Variants in KCNMA1 observed in about 807,000 individuals in gnomAD.
KCNMA1 encodes potassium calcium-activated channel subfamily M alpha 1.
A neutral mutation model predicts 140.0 loss-of-function variants in KCNMA1; 29 were observed. The ratio of observed to expected loss-of-function variants is 0.21; its 90% CI spans 0.15 to 0.28. The LOEUF is 0.28. Ranked by LOEUF, KCNMA1 falls within the 10% of genes least tolerant of loss-of-function variation. The pLI is 1.00. For synonymous variants in KCNMA1, 612 were observed against 611.9 expected (o/e 1.00, Z 0.00); for missense variants, 880 against 1,602.2 (o/e 0.55, Z 7.70).
chr10:77,575,346 C>T (rs921723102), intron 1 of KCNMA1, among the ~76,000 whole-genome samples: 12 of 152,258 alleles, frequency 7.9e-5, no homozygotes, highest in East Asian at 1.9e-4. Flanking sequence ...AAGGCACTAG[C>T]GATTTCCTTT....
downstream of KCNMA1, chr10:76,872,621 G>A (rs970420054): frequency 6.6e-6 from 1 of 152,042 alleles, no homozygotes; most frequent in African/African-American, 2.4e-5. Flanking sequence ...TCAATCTATT[G>A]AAATCACATT....
intron 22 of KCNMA1, among the ~76,000 whole-genome samples, chr10:76,946,776 T>C (rs2064103506): frequency 6.6e-6 from 1 of 152,212 alleles, no homozygotes; most frequent in Non-Finnish European, 1.5e-5. Context: ...GTAATTGTGA[T>C]ATAAGATGAT....
chr10:77,156,516 T>C (rs1371210626), intron 5 of KCNMA1, among the ~76,000 whole-genome samples: 3 of 152,182 alleles, frequency 2.0e-5, no homozygotes, highest in African/African-American at 4.8e-5. Flanking sequence ...TGGGAGGAAT[T>C]TATAGTTTAA....
At chr10:76,911,115 A>G (rs2050009668) in intron 24 of KCNMA1, 1 of 152,076 alleles carries the variant, frequency 6.6e-6, no homozygotes, top group Admixed American at 6.5e-5. Context: ...CCTTTCCCTG[A>G]TTCCTTTCTA....
rs182055333 is a variant in KCNMA1 at position 77,579,091 on chromosome 10, G to C, written c.378+58174C>G. Among the ~76,000 whole-genome samples, 281 of 152,286 alleles carry C rather than the reference G, an allele frequency of 1.8e-3. 1 individual carries two copies. Among genetic ancestry groups the C allele is most frequent in the African/African-American group, 6.5e-3 (271 of 41,580 alleles). ...ACAGGATGAAAGGGAAAGAGGGGAG[G>C]TCAGGAAGCCTTCTTGGAGAAGGGG... is the stretch of plus-strand genomic sequence containing the variant. On this transcript the variant is annotated intron_variant, in intron 1 of 27. Transcript: ENST00000286628.
At chr10:77,628,567 T>C (rs2092819076) in intron 1 of KCNMA1, among the ~76,000 whole-genome samples, 1 of 150,812 alleles carries the variant, frequency 6.6e-6, no homozygotes, top group African/African-American at 2.4e-5. Context: ...ACTAGAACCC[T>C]GGAGGGAGAG....
intron 19 of KCNMA1, chr10:76,980,581 T>A (rs1283009714): frequency 6.6e-6 from 1 of 152,178 alleles, no homozygotes; most frequent in Admixed American, 6.5e-5. Context: ...CTGAAGATTG[T>A]CCATACAAAT....
chr10:77,385,658 A>G (rs949186611), intron 2 of KCNMA1, among the ~76,000 whole-genome samples: 1 of 152,242 alleles, frequency 6.6e-6, no homozygotes, highest in Non-Finnish European at 1.5e-5. Context: ...AGGAAACACT[A>G]TGCACTGCAT....
intron 14 of KCNMA1, among the ~76,000 whole-genome samples, chr10:77,041,052 G>C (rs1453892988): frequency 6.6e-6 from 1 of 152,090 alleles, no homozygotes; most frequent in Admixed American, 6.5e-5. Context: ...TGGGATCTCA[G>C]CTCACTGCAA....
At chr10:77,135,200 C>T (rs1287935394) in intron 5 of KCNMA1, among the ~76,000 whole-genome samples, 1 of 151,764 alleles carries the variant, frequency 6.6e-6, no homozygotes, top group Non-Finnish European at 1.5e-5. Context: ...ATAGACATTT[C>T]GCAAAAGAAG....
chr10:77,623,472 G>T (rs1027002406), intron 1 of KCNMA1, among the ~76,000 whole-genome samples: 1 of 151,954 alleles, frequency 6.6e-6, no homozygotes, highest in Non-Finnish European at 1.5e-5. Flanking sequence ...GAGGCAGGTG[G>T]AGTACTTGAG....
At chr10:77,573,811 G>A (rs183216662) in intron 1 of KCNMA1, among the ~76,000 whole-genome samples, 111 of 148,554 alleles carry the variant, frequency 7.5e-4, no homozygotes, top group African/African-American at 2.7e-3. Flanking sequence ...CCACCTGCCT[G>A]TTCATTTATA....
intron 19 of KCNMA1, among the ~76,000 whole-genome samples, chr10:76,992,125 T>C (rs575664010): frequency 2.8e-4 from 42 of 152,294 alleles, no homozygotes; most frequent in Non-Finnish European, 4.6e-4. Flanking sequence ...AATGAAAACT[T>C]TCAGATTTAC....
intron 23 of KCNMA1, among the ~76,000 whole-genome samples, chr10:76,941,219 GA>G (rs1001799830): frequency 5.3e-5 from 8 of 151,080 alleles, no homozygotes; most frequent in African/African-American, 1.9e-4. Context: ...GAAAAGAAAA[GA>G]AAAAAAATGG....
At chr10:77,416,452 G>A (rs2096743716) in intron 1 of KCNMA1, among the ~76,000 whole-genome samples, 1 of 152,234 alleles carries the variant, frequency 6.6e-6, no homozygotes, top group Non-Finnish European at 1.5e-5. Flanking sequence ...TACTACAAGT[G>A]TTACCGTGGC....
At chr10:77,620,787 T>C (rs758354036) in intron 1 of KCNMA1, among the ~76,000 whole-genome samples, 13 of 152,242 alleles carry the variant, frequency 8.5e-5, no homozygotes, top group Non-Finnish European at 1.3e-4. Flanking sequence ...GGCTTTGCAC[T>C]GTGTTTTTAA....
intron 25 of KCNMA1, among the ~76,000 whole-genome samples, chr10:76,898,136 C>T (rs1455464247): frequency 6.6e-6 from 1 of 151,672 alleles, no homozygotes; most frequent in Non-Finnish European, 1.5e-5. Flanking sequence ...CTAAATGATC[C>T]TATAAAATGG....
intron 1 of KCNMA1, among the ~76,000 whole-genome samples, chr10:77,438,318 A>G (rs1304541406): frequency 1.3e-5 from 2 of 152,154 alleles, no homozygotes; most frequent in Non-Finnish European, 2.9e-5. Context: ...TGTAATTCCA[A>G]CACTTTGGGA....
chr10:77,554,066 GC>G (rs1464464651), intron 1 of KCNMA1, among the ~76,000 whole-genome samples: 1 of 152,058 alleles, frequency 6.6e-6, no homozygotes, highest in Non-Finnish European at 1.5e-5. Context: ...GGAAGGAGAA[GC>G]CCACAGGGTT....
Sources: allele counts gnomAD v4.1 joint callset (sites outside exome capture counted in the v4.1 genomes callset), GRCh38; gene constraint gnomAD v4.1.1; transcripts MANE v1.5; gene names NCBI Gene and HGNC (gene_info 2026-07-23, HGNC 2026-07-21).